The following KCNH3 variants were observed in gnomAD, a reference collection of about 807,000 sequenced individuals.
KCNH3 encodes potassium voltage-gated channel subfamily H member 3, also known as voltage-gated inwardly rectifying potassium channel KCNH3.
In KCNH3, 36 loss-of-function variants were observed where a neutral mutation model predicts 95.6. The ratio of observed to expected loss-of-function variants is 0.38; its 90% confidence interval spans 0.29 to 0.50. KCNH3 has a LOEUF of 0.50. Among genes scored for constraint, KCNH3 ranks in the 20% least tolerant of loss-of-function variants. The pLI is 0.95. For missense variants in KCNH3, 1,030 were observed against 1,484.1 expected, an observed-to-expected ratio of 0.69 and a Z score of 5.03; for synonymous variants, 620 against 646.3, an observed-to-expected ratio of 0.96 and a Z score of 0.62.
At position 49,541,720 on chromosome 12, in the gene KCNH3, G is replaced by A. The variant is rs756947702; in HGVS notation, c.401G>A (p.Ser134Asn). The change falls in exon 3 of 15, where the codon AGC becomes AAC. Residue 134 changes from serine (S) to asparagine (N), a missense_variant. By Grantham distance (46) the Ser-to-Asn change is conservative. Transcript: ENST00000257981. ...TTCCTAGTCTCTCACAAGGACATCA[G>A]CGAAACCAAGAACCGAGGGGGCCCC... is the stretch of plus-strand genomic sequence containing the variant. The part of the protein sequence containing the change: ...ALFLVSHKDI[S>N]ETKNRGGPDR... 1.9e-6 allele frequency: 3 copies of A among 1,614,232 alleles called. No individual in the cohort carries two copies.
chr12:49,556,093 C>G, intron 12 of KCNH3, 142 bp downstream of exon 12: 1 of 598,766 alleles, frequency 1.7e-6, no homozygotes, highest in South Asian at 2.0e-5. Flanking sequence ...CTCCAGGAAG[C>G]CTTCTGTGCT....
intron 12 of KCNH3, 24 bp from the exon 13 acceptor site, chr12:49,556,346 T>C: frequency 6.4e-7 from 1 of 1,562,020 alleles, no homozygotes; most frequent in Non-Finnish European, 8.8e-7. Context: ...CATTGATTTG[T>C]TGTCCTGGTA....
Position 49,555,836 on chromosome 12 carries a change from C to A in KCNH3, c.2353C>A (p.Pro785Thr). The A allele has an allele frequency of 6.2e-7, 1 of 1,613,094 alleles. No individual in the cohort carries two copies. Among genetic ancestry groups the A allele is most frequent in the South Asian group, 1.1e-5 (1 of 90,998 alleles). Residue 785 changes from proline to threonine, a missense_variant, in exon 12 of 15, where the codon CCA becomes ACA. Around this residue, in one of 9 missense-constraint regions of KCNH3, gnomAD observed 464 missense variants for 493.2 expected, o/e 0.94. Transcript: ENST00000257981. Reference protein sequence around the residue: ...PRPRLGGRGRPGRAGALKAEA... With the variant: ...PRPRLGGRGRTGRAGALKAEA... ...GCCTCGTCTAGGTGGCAGAGGGAGG[C>A]CAGGCAGGGCAGGGGCTTTGAAGGC...
intron 7 of KCNH3, 36 bp from the exon 8 acceptor site, chr12:49,548,859 T>G: frequency 6.6e-7 from 1 of 1,520,846 alleles, no homozygotes. Context: ...GCCCACAGTC[T>G]TCCTGCCTGC....
intron 7 of KCNH3, among the ~76,000 whole-genome samples, chr12:49,545,013 C>T (rs1189886785): frequency 6.6e-6 from 1 of 152,090 alleles, no homozygotes; most frequent in African/African-American, 2.4e-5. Flanking sequence ...CCCAAAATGT[C>T]ACCTGGAAGG....
intron 7 of KCNH3, among the ~76,000 whole-genome samples, chr12:49,548,478 T>C (rs1320489969): frequency 6.6e-6 from 1 of 152,086 alleles, no homozygotes; most frequent in African/African-American, 2.4e-5. Context: ...GTTGATGGGC[T>C]CAGAGAAATG....
Position 49,555,835 on chromosome 12 carries a change from G to T in KCNH3, c.2352G>T (p.Arg784Ser). The T allele has an allele frequency of 1.2e-6, 2 of 1,613,152 alleles. No homozygotes were observed. The highest frequency in any genetic ancestry group is 4.5e-5 in the East Asian group (2 of 44,866). The change falls in exon 12 of 15, where the codon AGG becomes AGT. Residue 784 changes from arginine (R) to serine (S), a missense_variant. Physicochemically the swap from Arg to Ser is moderately radical, Grantham distance 110. Coordinates refer to ENST00000257981, the MANE Select transcript of KCNH3 (RefSeq NM_012284.3). Reference sequence around the variant, plus strand: ...GGCCTCGTCTAGGTGGCAGAGGGAGGCCAGGCAGGGCAGGGGCTTTGAAGG... The same window carrying T: ...GGCCTCGTCTAGGTGGCAGAGGGAGTCCAGGCAGGGCAGGGGCTTTGAAGG... ...APRPRLGGRG[R>S]PGRAGALKAE...
chr12:49,541,182 C>G, intron 2 of KCNH3, 50 bp downstream of exon 2: 1 of 1,374,934 alleles, frequency 7.3e-7, no homozygotes, highest in Non-Finnish European at 1.0e-6. Flanking sequence ...CTCACCCAGC[C>G]TGGCACCAGC....
At chr12:49,543,545 C>T (rs542624445) in intron 5 of KCNH3, 27 bp downstream of exon 5, 53 of 1,579,744 alleles carry the variant, frequency 3.4e-5, no homozygotes, top group Non-Finnish European at 4.5e-5. Context: ...CCTTCCGCCC[C>T]ACCCTTTGCT....
Position 49,539,380 on chromosome 12 carries a change from C to G in KCNH3, c.-37C>G. Reference sequence around the variant, plus strand: ...CTCCCCCGGCGCGGAGTCCCCGCACCCCGGAGGGATGGGGCGGGCAGCCGC... The same window carrying G: ...CTCCCCCGGCGCGGAGTCCCCGCACGCCGGAGGGATGGGGCGGGCAGCCGC... On this transcript the variant is annotated 5_prime_UTR_variant, in exon 1 of 15. Transcript: ENST00000257981. This position sits in a 1 kb window ranked among gnomAD's most constrained non-coding sequence, Gnocchi z 6.7. 6.8e-7 allele frequency: 1 copy of G among 1,466,884 alleles called. No homozygotes were observed. Among genetic ancestry groups the G allele is most frequent in the Non-Finnish European group, 9.0e-7 (1 of 1,110,794 alleles). 90.9% of individuals were successfully genotyped at this position (1,466,884 alleles called of 1,614,324 possible).
intron 7 of KCNH3, among the ~76,000 whole-genome samples, chr12:49,548,307 G>A (rs1938137714): frequency 6.6e-6 from 1 of 152,212 alleles, no homozygotes; most frequent in South Asian, 2.1e-4. Context: ...GGGCATACAT[G>A]TGTCCTTGTC....
Position 49,558,289 on chromosome 12 carries a change from T to A in KCNH3, c.*336T>A, listed in dbSNP as rs1004368878. The A allele has an allele frequency of 6.2e-5, 24 of 388,946 alleles. No individual in the cohort carries two copies. The highest frequency in any genetic ancestry group is 2.7e-4 in the South Asian group (2 of 7,396). The allele number at this position is 388,946 out of a possible 1,614,324, so 24.1% of individuals were successfully genotyped here. A position where few individuals can be genotyped will look rare whatever the true frequency, so the allele number is the denominator to read the frequency against. On this transcript the variant is annotated 3_prime_UTR_variant, in exon 15 of 15. Coordinates refer to ENST00000257981, the MANE Select transcript of KCNH3 (RefSeq NM_012284.3). Reference sequence around the variant, plus strand: ...AAATTTTTATATTAAAAAAAAAAAATAAAATAAACTACTTTGGAACCTGGT... The same window carrying A: ...AAATTTTTATATTAAAAAAAAAAAAAAAAATAAACTACTTTGGAACCTGGT...
At chr12:49,553,223 C>G (rs1347639002) in intron 10 of KCNH3, among the ~76,000 whole-genome samples, 8 of 151,276 alleles carry the variant, frequency 5.3e-5, no homozygotes, top group Non-Finnish European at 1.2e-4. Context: ...GCAGCCTCGA[C>G]CTACTGGGCT....
chr12:49,549,678 C>T (rs1296244851), intron 9 of KCNH3, 38 bp downstream of exon 9: 1 of 1,572,976 alleles, frequency 6.4e-7, no homozygotes, highest in Non-Finnish European at 8.6e-7. Context: ...GCCTTTGCTC[C>T]CTCAGGGGGT....
intron 11 of KCNH3, 31 bp downstream of exon 11, chr12:49,554,585 A>G: frequency 3.2e-6 from 5 of 1,573,704 alleles, no homozygotes; most frequent in Non-Finnish European, 4.4e-6. Context: ...CTTGGAGGGG[A>G]TGGGGGTGCC....
At chr12:49,556,945 A>G (rs936401018) in intron 13 of KCNH3, among the ~76,000 whole-genome samples, 2 of 152,150 alleles carry the variant, frequency 1.3e-5, no homozygotes, top group African/African-American at 4.8e-5. Context: ...GGCACAAAGA[A>G]CAACTTTTTG....
intron 1 of KCNH3, 141 bp from the exon 2 acceptor site, chr12:49,540,758 A>G: frequency 6.2e-6 from 4 of 642,176 alleles, no homozygotes; most frequent in Non-Finnish European, 5.5e-6. Flanking sequence ...ATTGCTATTC[A>G]TAAACAGCCC....
chr12:49,542,422 T>C (rs1181150745), intron 3 of KCNH3, among the ~76,000 whole-genome samples: 1 of 152,220 alleles, frequency 6.6e-6, no homozygotes. Flanking sequence ...CCTCCTCGCT[T>C]CCTGTCCCAG....
intron 9 of KCNH3, 32 bp from the exon 10 acceptor site, chr12:49,550,044 CCCAA>C: frequency 7.0e-5 from 46 of 655,618 alleles, no homozygotes; most frequent in Non-Finnish European, 1.1e-4. Context: ...TTCTGCCACT[CCCAA>C]CCCCCCCACC....
Sources: gnomAD v4.1 joint callset for allele counts (sites outside exome capture counted in the v4.1 genomes callset) on GRCh38, gnomAD v4.1.1 for gene constraint, gnomAD v4.1.1 regional missense constraint, Gnocchi (gnomAD v3.1) non-coding constraint, MANE v1.5 for transcripts, NCBI Gene and HGNC (gene_info 2026-07-23, HGNC 2026-07-21) for gene names.